The following LRBA variants were observed in gnomAD, a reference collection of about 807,000 sequenced individuals.
The protein encoded by LRBA is lipopolysaccharide-responsive and beige-like anchor protein.
LRBA carries 176 observed loss-of-function variants against 330.0 expected under a neutral mutation model. That is an observed-to-expected ratio of 0.53 (90% confidence interval 0.47 to 0.60). LRBA has a LOEUF of 0.60. Among genes scored for constraint, LRBA ranks in the 20% least tolerant of loss-of-function variants. LRBA has a pLI of 0.00. For missense variants in LRBA, 3,259 were observed against 3,444.8 expected (o/e 0.95, Z 1.35); for synonymous variants, 1,230 against 1,193.0 (o/e 1.03, Z -0.64).
chr4:150,265,672 C>T lies in LRBA; in HGVS notation c.*50G>A. 8.8e-7 allele frequency: 1 copy of T among 1,139,006 alleles called. No homozygotes were observed. The highest frequency in any genetic ancestry group is 1.3e-6 in the Non-Finnish European group (1 of 747,026). The allele number at this position is 1,139,006 out of a possible 1,614,324, so 70.6% of individuals were successfully genotyped here. A position where few individuals can be genotyped will look rare whatever the true frequency, so the allele number is the denominator to read the frequency against. ...GATGTGGTAGAAGAGAATGATGCTCCAGGTACTTCTGCTCATCCTAGGGGC... is the reference window on the plus strand; with the variant it reads ...GATGTGGTAGAAGAGAATGATGCTCTAGGTACTTCTGCTCATCCTAGGGGC... On this transcript the variant is annotated 3_prime_UTR_variant, in exon 57 of 57. Transcript: ENST00000651943.
intron 32 of LRBA, among the ~76,000 whole-genome samples, chr4:150,807,628 TTTGTTG>T (rs57037174): frequency 0.74 from 110,050 of 149,604 alleles, 43,708 homozygotes; most frequent in Non-Finnish European, 0.9. Flanking sequence ...ATATCAGCAT[TTTGTTG>T]TTGTTGTTGT....
chr4:150,605,973 G>A (rs1774581273), intron 37 of LRBA, among the ~76,000 whole-genome samples: 2 of 152,076 alleles, frequency 1.3e-5, no homozygotes, highest in African/African-American at 4.8e-5. Flanking sequence ...ATTGAGGCCT[G>A]ACATTGAGAC....
intron 32 of LRBA, among the ~76,000 whole-genome samples, 157 bp from the exon 33 acceptor site, chr4:150,806,561 G>A (rs903057246): frequency 6.6e-5 from 10 of 151,990 alleles, no homozygotes; most frequent in Middle Eastern, 3.4e-3. Context: ...CAGTCCTTCT[G>A]CCAAAAATAT....
intron 40 of LRBA, among the ~76,000 whole-genome samples, chr4:150,563,103 A>AT (rs906402041): frequency 2.4e-4 from 36 of 151,956 alleles, no homozygotes; most frequent in Admixed American, 2.0e-4. Flanking sequence ...GGTTGAAATA[A>AT]TTTTTTTTAA....
At chr4:150,679,720 A>C (rs1182318226) in intron 37 of LRBA, 1 of 152,220 alleles carries the variant, frequency 6.6e-6, no homozygotes, top group Non-Finnish European at 1.5e-5. Flanking sequence ...CTAAACCTAA[A>C]CAGTCTCCTA....
chr4:150,780,663 G>A (rs1259754518), intron 34 of LRBA, among the ~76,000 whole-genome samples: 349 of 8,510 alleles, frequency 0.041, 2 homozygotes, highest in African/African-American at 0.078. Flanking sequence ...ATATATACGT[G>A]TGTGTGTGTA....
intron 47 of LRBA, among the ~76,000 whole-genome samples, chr4:150,410,260 G>A (rs1038613156): frequency 2.6e-5 from 4 of 152,074 alleles, no homozygotes; most frequent in Non-Finnish European, 5.9e-5. Flanking sequence ...TTCATTCAGA[G>A]GTGTAAGATC....
At chr4:150,669,322 TAC>T in intron 37 of LRBA, among the ~76,000 whole-genome samples, 1 of 152,304 alleles carries the variant, frequency 6.6e-6, no homozygotes, top group East Asian at 1.9e-4. Flanking sequence ...TGAAAAAGTT[TAC>T]AGTGATACAA....
rs186355276 is a variant in LRBA at position 150,728,112 on chromosome 4, G to A, written c.5754+7146C>T. On this transcript the variant is annotated intron_variant, in intron 36 of 56. Transcript: ENST00000651943. ...GTCAATAAATTTGGAAAATCTAGAA[G>A]AAATGGATCAATTCCTAGATACATA... Among the ~76,000 whole-genome samples the A allele has an allele frequency of 1.9e-4, 29 of 152,168 alleles. No individual in the cohort carries two copies. In the East Asian group the frequency reaches 3.1e-3, roughly 16 times the overall value.
chr4:150,330,067 AT>A, intron 48 of LRBA, among the ~76,000 whole-genome samples: 1 of 152,140 alleles, frequency 6.6e-6, no homozygotes, highest in South Asian at 2.1e-4. Flanking sequence ...TCTTCAAGTG[AT>A]TCCAGTAATT....
intron 41 of LRBA, among the ~76,000 whole-genome samples, chr4:150,488,714 A>T (rs1325258069): frequency 6.7e-6 from 1 of 149,736 alleles, no homozygotes; most frequent in African/African-American, 2.4e-5. Flanking sequence ...CATCTAGAAG[A>T]TGGTCCTTCT....
At chr4:150,844,073 G>A (rs1444697226) in intron 28 of LRBA, 27 bp downstream of exon 28, 2 of 1,344,568 alleles carry the variant, frequency 1.5e-6, no homozygotes, top group South Asian at 1.2e-5. Flanking sequence ...AGTTAAGAGA[G>A]TATGTGAAAG....
chr4:150,564,541 C>G (rs1233500688), intron 40 of LRBA, among the ~76,000 whole-genome samples: 1 of 152,124 alleles, frequency 6.6e-6, no homozygotes, highest in African/African-American at 2.4e-5. Flanking sequence ...CAAATGGGAT[C>G]TAATTAAACT....
At chr4:150,279,162 A>G (rs902360514) in intron 55 of LRBA, among the ~76,000 whole-genome samples, 1 of 152,170 alleles carries the variant, frequency 6.6e-6, no homozygotes, top group Non-Finnish European at 1.5e-5. Flanking sequence ...CGCCACACCT[A>G]TTATTTGTTT....
chr4:150,888,545 T>C lies in LRBA; in HGVS notation c.2165+4507A>G, dbSNP rs960789744. Among the ~76,000 whole-genome samples the C allele has an allele frequency of 5.3e-5, 8 of 152,184 alleles. No homozygotes were observed. The East Asian group carries it at 1.3e-3, about 26-fold the overall frequency. On this transcript the variant is annotated intron_variant, in intron 17 of 56. Coordinates refer to ENST00000651943, the MANE Select transcript of LRBA (RefSeq NM_001364905.1). ...GATCTGAGCAGTTCCAAGGGTTCTA[T>C]ACTTTATTTGAAGAGGTAAAATATT... is the stretch of plus-strand genomic sequence containing the variant.
intron 40 of LRBA, among the ~76,000 whole-genome samples, chr4:150,520,641 T>C (rs1210619457): frequency 6.6e-6 from 1 of 152,140 alleles, no homozygotes; most frequent in African/African-American, 2.4e-5. Context: ...TGCAGCAACA[T>C]GGATACAGCT....
chr4:150,319,600 A>G lies in LRBA; in HGVS notation c.7630+1591T>C, dbSNP rs1732209841. On this transcript the variant is annotated intron_variant, in intron 50 of 56. Transcript: ENST00000651943. The stretch of plus-strand genomic sequence containing the variant: ...GTTTACTTAAAGAAAAAAGAATAAA[A>G]GGACATAATAATAGAGATATTAAAT... Among the ~76,000 whole-genome samples the G allele has an allele frequency of 2.0e-5, 3 of 152,198 alleles. 1 individual carries two copies. The South Asian group carries it at 6.2e-4, about 31-fold the overall frequency.
At chr4:150,319,827 A>G (rs1485191058) in intron 50 of LRBA, among the ~76,000 whole-genome samples, 1 of 152,118 alleles carries the variant, frequency 6.6e-6, no homozygotes, top group Non-Finnish European at 1.5e-5. Flanking sequence ...TTGAATGTCA[A>G]TTCTGTTCCC....
Position 150,765,068 on chromosome 4 carries a change from G to A in LRBA, c.5581-3221C>T, listed in dbSNP as rs551593146. On this transcript the variant is annotated intron_variant, in intron 34 of 56. Coordinates refer to ENST00000651943, the MANE Select transcript of LRBA (RefSeq NM_001364905.1). ...ATAAATTGTGGTACAACCAGACAATGGAATATTATTCAGCGCTAAAAAAAA... is the reference window on the plus strand; with the variant it reads ...ATAAATTGTGGTACAACCAGACAATAGAATATTATTCAGCGCTAAAAAAAA... Among the ~76,000 whole-genome samples the A allele has an allele frequency of 1.7e-3, 249 of 149,632 alleles. 2 individuals carry two copies. The highest frequency in any genetic ancestry group is 6.0e-3 in the African/African-American group (242 of 40,600).
Sources: gnomAD v4.1 joint callset for allele counts (sites outside exome capture counted in the v4.1 genomes callset) on GRCh38, gnomAD v4.1.1 for gene constraint, MANE v1.5 for transcripts, NCBI Gene and HGNC (gene_info 2026-07-23, HGNC 2026-07-21) for gene names.